The following SMAD9 variants were observed in gnomAD, a reference collection of about 807,000 sequenced individuals.
The protein encoded by SMAD9 is MAD homolog 9.
A neutral mutation model predicts 46.1 loss-of-function variants in SMAD9; 36 were observed. That is an observed-to-expected ratio of 0.78 (90% CI 0.60 to 1.03). The LOEUF (loss-of-function observed/expected upper bound fraction) is 1.03. Ranked by LOEUF, SMAD9 falls within the 50% of genes least tolerant of loss-of-function variation. The pLI is 0.00. For missense variants in SMAD9, 572 were observed against 599.8 expected (o/e 0.95, Z 0.48); for synonymous variants, 245 against 237.1 (o/e 1.03, Z -0.31).
In SMAD9 at chr13:36,845,491, G is replaced by A. The variant is rs918061717; in HGVS notation, c.*3185C>T. On this transcript the variant is annotated 3_prime_UTR_variant, in exon 7 of 7. Transcript: ENST00000379826. ...CTGATCAATGTTCTGGGTCTTGTGA[G>A]CAGACCGAAATGTTACTACAGTGTT... The A allele has an allele frequency of 7.3e-6, 1 of 136,890 alleles. No individual in the cohort carries two copies. Among genetic ancestry groups the A allele is most frequent in the African/African-American group, 3.0e-5 (1 of 33,738 alleles). The allele number at this position is 136,890 out of a possible 1,614,324, so 8.5% of individuals were successfully genotyped here.
chr13:36,895,607 T>G (rs1303597749), intron 1 of SMAD9, among the ~76,000 whole-genome samples: 1 of 152,182 alleles, frequency 6.6e-6, no homozygotes, highest in African/African-American at 2.4e-5. Context: ...ACAAGATCTT[T>G]TAGATTTGGG....
At chr13:36,897,284 T>A (rs1403059407) in intron 1 of SMAD9, among the ~76,000 whole-genome samples, 1 of 152,230 alleles carries the variant, frequency 6.6e-6, no homozygotes, top group Non-Finnish European at 1.5e-5. Flanking sequence ...TTTATAGATA[T>A]TTTACTCTGC....
chr13:36,849,027 T>C (rs986617751), intron 6 of SMAD9, among the ~76,000 whole-genome samples: 1 of 152,128 alleles, frequency 6.6e-6, no homozygotes, highest in Admixed American at 6.5e-5. Context: ...ATCAGTGCAT[T>C]CCCTCAGGGT....
At chr13:36,897,114 C>T (rs879745535) in intron 1 of SMAD9, among the ~76,000 whole-genome samples, 2 of 152,164 alleles carry the variant, frequency 1.3e-5, no homozygotes, top group Non-Finnish European at 2.9e-5. Context: ...AAATCTGCTA[C>T]AGGCCTTCAC....
intron 5 of SMAD9, among the ~76,000 whole-genome samples, chr13:36,857,024 G>A (rs547328668): frequency 1.3e-5 from 2 of 151,816 alleles, no homozygotes; most frequent in African/African-American, 2.4e-5. Context: ...GGCTGGTCTC[G>A]AACTCCTGAC....
At chr13:36,875,521 C>T (rs2058337893) in intron 2 of SMAD9, among the ~76,000 whole-genome samples, 2 of 152,100 alleles carry the variant, frequency 1.3e-5, no homozygotes, top group South Asian at 4.1e-4. Flanking sequence ...TGACATGGAT[C>T]ATAAACCATT....
chr13:36,873,051 T>C, intron 2 of SMAD9, 136 bp from the exon 3 acceptor site: 1 of 952,900 alleles, frequency 1.0e-6, no homozygotes, highest in South Asian at 1.4e-5. Context: ...CTCCCATTAG[T>C]CTTTGTGCTC....
chr13:36,877,849 G>C (rs2058360444), intron 2 of SMAD9, among the ~76,000 whole-genome samples: 1 of 152,110 alleles, frequency 6.6e-6, no homozygotes, highest in Admixed American at 6.5e-5. Flanking sequence ...ACTGAGGTAG[G>C]CTGGGCATAA....
intron 5 of SMAD9, among the ~76,000 whole-genome samples, chr13:36,864,887 G>C (rs1037199713): frequency 5.3e-5 from 8 of 152,180 alleles, no homozygotes; most frequent in African/African-American, 1.9e-4. Context: ...ATCAATCGAA[G>C]ATACCAACTA....
chr13:36,912,540 T>C (rs2058669808), intron 1 of SMAD9, among the ~76,000 whole-genome samples: 2 of 152,146 alleles, frequency 1.3e-5, no homozygotes, highest in Admixed American at 1.3e-4. Context: ...CCTGGCTGGC[T>C]AAAAGGGTTG....
At chr13:36,855,319 C>A (rs2058114032) in intron 5 of SMAD9, among the ~76,000 whole-genome samples, 1 of 150,634 alleles carries the variant, frequency 6.6e-6, no homozygotes, top group African/African-American at 2.4e-5. Context: ...AATTTCCATT[C>A]CAAATTAAAT....
chr13:36,858,867 A>G (rs2058151968), intron 5 of SMAD9, among the ~76,000 whole-genome samples: 1 of 152,084 alleles, frequency 6.6e-6, no homozygotes, highest in Non-Finnish European at 1.5e-5. Flanking sequence ...ACGCCGCCAT[A>G]CTCAGCTAAC....
intron 1 of SMAD9, among the ~76,000 whole-genome samples, chr13:36,900,684 T>TACAC (rs58756918): frequency 0.083 from 11,857 of 142,698 alleles, 546 homozygotes; most frequent in African/African-American, 0.11. Context: ...TCATTATGAC[T>TACAC]ACACACACAC....
At chr13:36,901,296 C>T (rs913846590) in intron 1 of SMAD9, among the ~76,000 whole-genome samples, 2 of 152,284 alleles carry the variant, frequency 1.3e-5, no homozygotes, top group Admixed American at 6.5e-5. Flanking sequence ...CCATCAGAAA[C>T]GTATGAAAAT....
At chr13:36,915,535 G>T (rs769153790) in intron 1 of SMAD9, among the ~76,000 whole-genome samples, 1 of 151,880 alleles carries the variant, frequency 6.6e-6, no homozygotes, top group African/African-American at 2.4e-5. Flanking sequence ...GAGTACCAAA[G>T]AATGAGACAA....
At chr13:36,898,768 C>T (rs1309542012) in intron 1 of SMAD9, among the ~76,000 whole-genome samples, 1 of 152,148 alleles carries the variant, frequency 6.6e-6, no homozygotes, top group Non-Finnish European at 1.5e-5. Flanking sequence ...TAGAAGGAAA[C>T]TTCCACAATC....
intron 1 of SMAD9, among the ~76,000 whole-genome samples, chr13:36,909,842 G>A (rs2058646069): frequency 6.6e-6 from 1 of 152,162 alleles, no homozygotes; most frequent in Non-Finnish European, 1.5e-5. Flanking sequence ...CCAACATGGA[G>A]GTATACTTCT....
At chr13:36,888,761 G>A (rs1332683267) in intron 1 of SMAD9, among the ~76,000 whole-genome samples, 4 of 152,140 alleles carry the variant, frequency 2.6e-5, no homozygotes, top group Non-Finnish European at 4.4e-5. Flanking sequence ...TGAGGAAGTG[G>A]GGAGACATTC....
At chr13:36,850,440 T>C (rs2058065188) in intron 6 of SMAD9, among the ~76,000 whole-genome samples, 1 of 152,114 alleles carries the variant, frequency 6.6e-6, no homozygotes, top group Admixed American at 6.5e-5. Context: ...AGTGCAATGG[T>C]GCGATCTCAG....
Sources: gnomAD v4.1 joint callset for allele counts (sites outside exome capture counted in the v4.1 genomes callset) on GRCh38, gnomAD v4.1.1 for gene constraint, MANE v1.5 for transcripts, NCBI Gene and HGNC (gene_info 2026-07-23, HGNC 2026-07-21) for gene names.